Variants in KDM2B observed in about 807,000 individuals in gnomAD.
KDM2B encodes lysine demethylase 2B.
In KDM2B, 26 loss-of-function variants were observed where a neutral mutation model predicts 150.0. The observed-to-expected ratio is 0.17, with a 90% confidence interval of 0.13 to 0.24. KDM2B has a LOEUF of 0.24. Among genes scored for constraint, KDM2B ranks in the 10% least tolerant of loss-of-function variants. KDM2B has a pLI of 1.00. For synonymous variants in KDM2B, 734 were observed against 729.5 expected, an observed-to-expected ratio of 1.01 and a Z score of -0.10; for missense variants, 1,265 against 1,816.9, an observed-to-expected ratio of 0.70 and a Z score of 5.52.
Position 121,501,103 on chromosome 12 carries a change from A to T in KDM2B, c.1648-6438T>A, listed in dbSNP as rs137984336. Among the ~76,000 whole-genome samples the T allele has an allele frequency of 5.7e-3, 865 of 152,348 alleles. 9 individuals are homozygous for T. Among genetic ancestry groups the T allele is most frequent in the African/African-American group, 0.02 (836 of 41,580 alleles). On this transcript the variant is annotated intron_variant, in intron 11 of 22. Coordinates refer to ENST00000377071, the MANE Select transcript of KDM2B (RefSeq NM_032590.5). ...GCAACAGAGCAAGATTCCATCTCAA[A>T]AAAAAATTTATTTTCAAGGTGAAAT...
chr12:121,540,379 G>T (rs1218068796), intron 6 of KDM2B, among the ~76,000 whole-genome samples: 13 of 152,054 alleles, frequency 8.5e-5, no homozygotes, highest in Admixed American at 8.5e-4. Context: ...TGAGAGAGTA[G>T]GTCTTGAGGT....
intron 11 of KDM2B, among the ~76,000 whole-genome samples, chr12:121,496,522 G>C (rs1386481489): frequency 7.1e-6 from 1 of 140,460 alleles, no homozygotes; most frequent in East Asian, 2.0e-4. Flanking sequence ...TTTGAGACAG[G>C]GTGTGACTGT....
the KDM2B span, chr12:121,420,724 C>T: frequency 6.2e-7 from 1 of 1,613,908 alleles, no homozygotes; most frequent in Admixed American, 1.7e-5. Context: ...AAAATGGGAA[C>T]TGGTAGAGAA....
Position 121,467,147 on chromosome 12 carries a change from G to A in KDM2B, c.1735-13803C>T, listed in dbSNP as rs1384117269. On this transcript the variant is annotated intron_variant, in intron 12 of 22. Coordinates refer to ENST00000377071, the MANE Select transcript of KDM2B (RefSeq NM_032590.5). The surrounding 1 kb of genome is among the most constrained non-coding windows in gnomAD (Gnocchi z 5.1). ...CGGGTCCCTCCCTCAGCCCCACCCC[G>A]GGCCGCCGACCTGGTCCGGCTCCGA... The A allele has an allele frequency of 8.9e-7, 1 of 1,122,994 alleles. No individual in the cohort carries two copies. Among genetic ancestry groups the A allele is most frequent in the African/African-American group, 1.7e-5 (1 of 59,450 alleles). 69.6% of individuals were successfully genotyped at this position (1,122,994 alleles called of 1,614,324 possible).
intron 12 of KDM2B, among the ~76,000 whole-genome samples, chr12:121,489,880 C>T (rs1555299604): frequency 6.6e-6 from 1 of 152,208 alleles, no homozygotes; most frequent in East Asian, 1.9e-4. Context: ...GGGACTGGTC[C>T]TCATTACAGC....
chr12:121,464,613 C>T (rs1879602790), intron 12 of KDM2B, among the ~76,000 whole-genome samples: 1 of 152,206 alleles, frequency 6.6e-6, no homozygotes, highest in African/African-American at 2.4e-5. Context: ...GGCGTGAGGG[C>T]TACACCAACT....
rs1555288428 is a variant in KDM2B at position 121,442,148 on chromosome 12, G to A, written c.3284+9C>T. 5 of 1,612,534 alleles carry A rather than the reference G, an allele frequency of 3.1e-6. No individual in the cohort carries two copies. Among genetic ancestry groups the A allele is most frequent in the Non-Finnish European group, 3.4e-6 (4 of 1,179,230 alleles). ...CTTAACCTAGAGCCCTACACAGGCCGCCGCTCACCAGCGGTTCCAGGTCCT... is the reference window on the plus strand; with the variant it reads ...CTTAACCTAGAGCCCTACACAGGCCACCGCTCACCAGCGGTTCCAGGTCCT... On this transcript the variant is annotated intron_variant, in intron 19 of 22. Transcript: ENST00000377071. The surrounding 1 kb of genome is among the most constrained non-coding windows in gnomAD (Gnocchi z 7.7).
At chr12:121,562,611 T>C (rs1180389613) in intron 4 of KDM2B, among the ~76,000 whole-genome samples, 1 of 146,682 alleles carries the variant, frequency 6.8e-6, no homozygotes, top group Non-Finnish European at 1.5e-5. Context: ...CTAGACACCA[T>C]ACAGACACCC....
At position 121,468,708 on chromosome 12, in the gene KDM2B, AGAAG is replaced by A. The variant is rs1252858854; in HGVS notation, c.1735-15368_1735-15365del. 1 of 152,260 alleles carries A rather than the reference AGAAG, an allele frequency of 6.6e-6. No homozygotes were observed. Among genetic ancestry groups the A allele is most frequent in the East Asian group, 1.9e-4 (1 of 5,196 alleles). 9.4% of individuals were successfully genotyped at this position (152,260 alleles called of 1,614,324 possible). A position where few individuals can be genotyped will look rare whatever the true frequency, so the allele number is the denominator to read the frequency against. ...GGCTGGTCCTGGCCTGGCCTTTCAA[AGAAG>A]GCAGGCTGTGTGCCGGAGACCTTGT... is the stretch of plus-strand genomic sequence containing the variant. On this transcript the variant is annotated intron_variant, in intron 12 of 22. Transcript: ENST00000377071. The surrounding 1 kb of genome is among the most constrained non-coding windows in gnomAD (Gnocchi z 4.0).
At chr12:121,441,873 G>A (rs189897016) in intron 19 of KDM2B, among the ~76,000 whole-genome samples, 24 of 152,344 alleles carry the variant, frequency 1.6e-4, no homozygotes, top group Admixed American at 5.9e-4. Flanking sequence ...CTGGACTGAA[G>A]TTGCAACTCG....
At chr12:121,567,961 T>G (rs1380251698) in intron 4 of KDM2B, among the ~76,000 whole-genome samples, 1 of 151,986 alleles carries the variant, frequency 6.6e-6, no homozygotes, top group Non-Finnish European at 1.5e-5. Flanking sequence ...ACTTCTGACC[T>G]TAGGTGATCC....
chr12:121,426,038 T>C (rs980660839), downstream of KDM2B, among the ~76,000 whole-genome samples: 1 of 152,118 alleles, frequency 6.6e-6, no homozygotes, highest in African/African-American at 2.4e-5. Context: ...AAGTAATCTT[T>C]TGATGAGACT....
At chr12:121,425,011 A>C (rs1254461041), downstream of KDM2B, among the ~76,000 whole-genome samples, 1 of 152,202 alleles carries the variant, frequency 6.6e-6, no homozygotes, top group Non-Finnish European at 1.5e-5. Flanking sequence ...CCAGTACCAC[A>C]TAAGAAATGA....
chr12:121,579,476 G>A (rs1489865842), intron 1 of KDM2B: 2 of 690,662 alleles, frequency 2.9e-6, no homozygotes, highest in Non-Finnish European at 4.3e-6. Flanking sequence ...TGAAATGGAA[G>A]GGCTGAGACC....
chr12:121,536,084 C>G, intron 6 of KDM2B: 3 of 985,830 alleles, frequency 3.0e-6, no homozygotes, highest in Non-Finnish European at 3.6e-6. Context: ...GGGGCGGGGA[C>G]GGACAGGGAG....
At chr12:121,415,876 A>G in the KDM2B span, among the ~76,000 whole-genome samples, 1 of 124,236 alleles carries the variant, frequency 8.0e-6, no homozygotes, top group Non-Finnish European at 1.6e-5. Flanking sequence ...GCCTGTGTAC[A>G]TGTATCTGTT....
At chr12:121,574,622 TGA>T (rs1566436604) in intron 3 of KDM2B, 29 bp from the exon 4 acceptor site, 1 of 1,610,976 alleles carries the variant, frequency 6.2e-7, no homozygotes, top group Non-Finnish European at 8.5e-7. Flanking sequence ...AGACCTTTGG[TGA>T]GAGGCCAGAA....
chr12:121,483,005 A>T (rs1210866361), intron 12 of KDM2B, among the ~76,000 whole-genome samples: 1 of 151,992 alleles, frequency 6.6e-6, no homozygotes, highest in African/African-American at 2.4e-5. Context: ...TCCACTAAAA[A>T]TACAAAAATT....
At chr12:121,516,570 G>C in intron 9 of KDM2B, 2 of 1,422,390 alleles carry the variant, frequency 1.4e-6, no homozygotes, top group Non-Finnish European at 1.9e-6. Context: ...TGACAGACTC[G>C]GAGCCTCACC....
Sources: gnomAD v4.1 joint callset for allele counts (sites outside exome capture counted in the v4.1 genomes callset) on GRCh38, gnomAD v4.1.1 for gene constraint, Gnocchi (gnomAD v3.1) non-coding constraint, MANE v1.5 for transcripts, NCBI Gene and HGNC (gene_info 2026-07-23, HGNC 2026-07-21) for gene names.